The following SCN11A variants were observed in gnomAD, a reference collection of about 807,000 sequenced individuals.
SCN11A encodes sodium voltage-gated channel alpha subunit 11.
Under a neutral mutation model 162.2 loss-of-function variants are expected in SCN11A, and 122 were observed. That is an observed-to-expected ratio of 0.75 (90% confidence interval 0.65 to 0.87). The LOEUF (loss-of-function observed/expected upper bound fraction) is 0.87, where lower values mean the gene tolerates loss of function less well. SCN11A is among the 40% of genes least tolerant of loss of function. The probability of loss-of-function intolerance (pLI) is 0.00; values close to 1 mark genes in which losing one functional copy is unlikely to be tolerated. For missense variants in SCN11A, 2,015 were observed against 2,181.6 expected (o/e 0.92, Z 1.52); for synonymous variants, 758 against 751.5 (o/e 1.01, Z -0.14).
intron 22 of SCN11A, among the ~76,000 whole-genome samples, chr3:38,881,488 C>A (rs1380643407): frequency 6.6e-6 from 1 of 152,152 alleles, no homozygotes; most frequent in Non-Finnish European, 1.5e-5. Context: ...CACGCTTATA[C>A]CTGCAATTGA....
In SCN11A at chr3:38,897,164, C is replaced by T. The variant is rs769791944; in HGVS notation, c.2084G>A (p.Gly695Asp). The T allele has an allele frequency of 6.2e-6, 10 of 1,614,056 alleles. No individual in the cohort carries two copies. The highest frequency in any genetic ancestry group is 7.6e-6 in the Non-Finnish European group (9 of 1,179,994). ...PTLNTLIKIIGNSVGALGSLT... is the reference protein window; with the variant it reads ...PTLNTLIKIIDNSVGALGSLT... ...GCTTCCAAGGGCTCCGACAGAGTTGCCGATTATCTTAATTAGTGTGTTCAA... is the reference window on the plus strand; with the variant it reads ...GCTTCCAAGGGCTCCGACAGAGTTGTCGATTATCTTAATTAGTGTGTTCAA... The change falls in exon 18 of 30, where the codon GGC (glycine) becomes GAC (aspartate). Residue 695 changes from glycine (G) to aspartate (D), a missense_variant. Transcript: ENST00000302328.
At chr3:39,035,456 T>C (rs1195793119) in intron 1 of SCN11A, among the ~76,000 whole-genome samples, 1 of 152,144 alleles carries the variant, frequency 6.6e-6, no homozygotes, top group African/African-American at 2.4e-5. Context: ...TCAAAATGGA[T>C]TAAGGACTTA....
rs975678310 is a variant in SCN11A, at chr3:38,846,908, T to C, written c.5162A>G (p.Tyr1721Cys). ...CTTGGTGGTGGTGACTATGGGTTCA[T>C]ACAACTTCTTGAGAGGATTGGCTTC... is the stretch of plus-strand genomic sequence containing the variant. The part of the protein sequence containing the change: ...FMEANPLKKL[Y>C]EPIVTTTKRK... Residue 1721 changes from tyrosine (Y) to cysteine (C), a missense_variant, in exon 30 of 30, where the codon TAT (tyrosine) becomes TGT (cysteine). Physicochemically the swap from Tyr to Cys is radical, Grantham distance 194. Coordinates refer to ENST00000302328, the MANE Select transcript of SCN11A (RefSeq NM_001349253.2). 1.9e-6 allele frequency: 3 copies of C among 1,614,148 alleles called. No homozygotes were observed. Among genetic ancestry groups the C allele is most frequent in the African/African-American group, 1.3e-5 (1 of 75,042 alleles).
intron 2 of SCN11A, among the ~76,000 whole-genome samples, chr3:39,013,261 G>A (rs2125603592): frequency 6.6e-6 from 1 of 152,188 alleles, no homozygotes; most frequent in South Asian, 2.1e-4. Context: ...CCTTTTTCTT[G>A]GCAGGTATAA....
intron 26 of SCN11A, among the ~76,000 whole-genome samples, chr3:38,870,115 T>C (rs1043545652): frequency 6.6e-6 from 1 of 152,188 alleles, no homozygotes; most frequent in Admixed American, 6.6e-5. Context: ...ATCCCTCAAC[T>C]TTCCAAGCTG....
chr3:38,969,149 G>GGCAA (rs1031889037), intron 2 of SCN11A, among the ~76,000 whole-genome samples: 1 of 152,196 alleles, frequency 6.6e-6, no homozygotes, highest in African/African-American at 2.4e-5. Flanking sequence ...CAGGCAGGCA[G>GGCAA]GCAGGCATGC....
At position 38,925,397 on chromosome 3, in the gene SCN11A, A is replaced by G. The variant is rs1473560583; in HGVS notation, c.712+18T>C. ...TCTTTCTAGATAGGAGCCAGTGTGG[A>G]AAGTGAGAGTGACTTACGTGAAACT... On this transcript the variant is annotated intron_variant, in intron 9 of 29. Coordinates refer to ENST00000302328, the MANE Select transcript of SCN11A (RefSeq NM_001349253.2). 6.5e-7 allele frequency: 1 copy of G among 1,539,184 alleles called. No homozygotes were observed. Among genetic ancestry groups the G allele is most frequent in the South Asian group, 1.1e-5 (1 of 89,430 alleles).
intron 3 of SCN11A, among the ~76,000 whole-genome samples, chr3:38,954,805 A>G (rs2066661645): frequency 6.6e-6 from 1 of 152,154 alleles, no homozygotes. Flanking sequence ...CCTGGCCAAC[A>G]TGGTGAAACC....
intron 29 of SCN11A, among the ~76,000 whole-genome samples, chr3:38,848,694 T>G (rs1000643814): frequency 6.6e-5 from 10 of 152,228 alleles, no homozygotes; most frequent in African/African-American, 2.4e-4. Context: ...TTTCTTGGGC[T>G]GATCAAGCCC....
chr3:38,899,856 C>A, intron 17 of SCN11A, 38 bp downstream of exon 17: 1 of 1,557,102 alleles, frequency 6.4e-7, no homozygotes, highest in Non-Finnish European at 8.8e-7. Context: ...TCCACTTAGG[C>A]AGCTACGTTT....
intron 5 of SCN11A, among the ~76,000 whole-genome samples, chr3:38,948,625 C>T (rs2066553998): frequency 6.6e-6 from 1 of 152,236 alleles, no homozygotes; most frequent in Non-Finnish European, 1.5e-5. Context: ...CATGATCACA[C>T]ATACCTCACA....
intron 28 of SCN11A, 36 bp downstream of exon 28, chr3:38,863,159 T>TG: frequency 8.4e-7 from 1 of 1,194,600 alleles, no homozygotes; most frequent in East Asian, 2.3e-5. Flanking sequence ...GTAACTCAAC[T>TG]GTTCTACATA....
Position 38,871,634 on chromosome 3 carries a change from G to A in SCN11A, c.3570C>T (p.Leu1190=), listed in dbSNP as rs267599812. The change falls in exon 25 of 30, where the codon CTC becomes CTT. Residue 1190 remains leucine, a synonymous_variant. Coordinates refer to ENST00000302328, the MANE Select transcript of SCN11A (RefSeq NM_001349253.2). ...AGTATACTCCCAGAATACAAAATAC[G>A]AGCCAGAAAATGAGGCAGACAAGCA... ...NVLLVCLIFW[L]VFCILGVYFF... The A allele has an allele frequency of 3.7e-6, 6 of 1,612,266 alleles. No individual in the cohort carries two copies. Among genetic ancestry groups the A allele is most frequent in the African/African-American group, 2.7e-5 (2 of 74,798 alleles).
Position 38,924,925 on chromosome 3 carries a change from ACT to A in SCN11A, c.712+488_712+489del, listed in dbSNP as rs137904248. Among the ~76,000 whole-genome samples, 743 of 151,378 alleles carry A rather than the reference ACT, an allele frequency of 4.9e-3. 10 individuals carry two copies. The highest frequency in any genetic ancestry group is 0.017 in the African/African-American group (694 of 41,188). ...GCTGGCTGTTTCCCATGCTCAGAAT[ACT>A]CTTTCCCATATATCTGCTTGTGTCA... is the stretch of plus-strand genomic sequence containing the variant. On this transcript the variant is annotated intron_variant, in intron 9 of 29. Transcript: ENST00000302328.
At chr3:38,961,355 A>T (rs915925290) in intron 2 of SCN11A, among the ~76,000 whole-genome samples, 2 of 152,202 alleles carry the variant, frequency 1.3e-5, no homozygotes, top group Non-Finnish European at 2.9e-5. Context: ...GCAAACACTA[A>T]ATCGAAGTAT....
At chr3:39,039,869 C>A (rs1029148031) in intron 1 of SCN11A, among the ~76,000 whole-genome samples, 2 of 152,068 alleles carry the variant, frequency 1.3e-5, no homozygotes, top group African/African-American at 2.4e-5. Context: ...CAAGGACCTG[C>A]CCACTTAGCA....
chr3:38,889,547 C>A (rs1575251255), intron 19 of SCN11A, among the ~76,000 whole-genome samples: 1 of 151,854 alleles, frequency 6.6e-6, no homozygotes, highest in Non-Finnish European at 1.5e-5. Flanking sequence ...CGCCTGTAAT[C>A]CCAGCACTTT....
intron 1 of SCN11A, among the ~76,000 whole-genome samples, chr3:39,046,708 C>T (rs2032190148): frequency 6.6e-6 from 1 of 152,010 alleles, no homozygotes; most frequent in African/African-American, 2.4e-5. Context: ...GAAATAAATC[C>T]ATGTATTTAT....
chr3:38,954,472 T>G (rs1338417488), intron 3 of SCN11A, among the ~76,000 whole-genome samples: 1 of 152,066 alleles, frequency 6.6e-6, no homozygotes, highest in African/African-American at 2.4e-5. Context: ...ATGGGGCGAT[T>G]AAAGAAGCAA....
Sources: allele counts gnomAD v4.1 joint callset (sites outside exome capture counted in the v4.1 genomes callset), GRCh38; gene constraint gnomAD v4.1.1; transcripts MANE v1.5; gene names NCBI Gene and HGNC (gene_info 2026-07-23, HGNC 2026-07-21).